GPRC5C: variants seen among roughly 807,000 people sequenced by gnomAD.
GPRC5C encodes G protein-coupled receptor class C group 5 member C, also known as G protein-coupled receptor family C group 5 member C.
In GPRC5C, 22 loss-of-function variants were observed where a neutral mutation model predicts 31.4. The ratio of observed to expected loss-of-function variants is 0.70; its 90% confidence interval spans 0.50 to 1.00. GPRC5C has a LOEUF of 1.00. Ranked by LOEUF, GPRC5C falls within the 50% of genes least tolerant of loss-of-function variation. The probability of loss-of-function intolerance (pLI) is 0.00; values close to 1 mark genes in which losing one functional copy is unlikely to be tolerated. For missense variants in GPRC5C, 557 were observed against 597.2 expected (o/e 0.93, Z 0.70); for synonymous variants, 249 against 257.5 (o/e 0.97, Z 0.32).
intron 1 of GPRC5C, chr17:74,432,557 G>A: frequency 1.0e-6 from 1 of 987,088 alleles, no homozygotes; most frequent in South Asian, 4.7e-5. Flanking sequence ...CCGCCGCCCG[G>A]AAGAGTCGGG....
downstream of GPRC5C, chr17:74,449,290 C>A: frequency 1.7e-6 from 2 of 1,167,704 alleles, no homozygotes; most frequent in Non-Finnish European, 2.3e-6. Context: ...TTGGGCCCCA[C>A]GCAGTAGAGT....
chr17:74,440,620 A>G lies in GPRC5C; in HGVS notation c.844A>G (p.Ile282Val). The G allele has an allele frequency of 1.9e-6, 3 of 1,608,892 alleles. No homozygotes were observed. The highest frequency in any genetic ancestry group is 2.6e-6 in the Non-Finnish European group (3 of 1,175,668). ...SPTWDDPTLA[I>V]ALAANAWAFV... The stretch of plus-strand genomic sequence containing the variant: ...CACCTGGGATGACCCCACGCTGGCC[A>G]TCGCCCTCGCCGCCAATGCCTGGGC... The change falls in exon 2 of 4, where the codon ATC (isoleucine) becomes GTC (valine). Residue 282 changes from isoleucine to valine, a missense_variant. Transcript: ENST00000392627. This position sits in a 1 kb window ranked among gnomAD's most constrained non-coding sequence, Gnocchi z 4.4.
intron 1 of GPRC5C, among the ~76,000 whole-genome samples, chr17:74,439,353 C>G (rs565749657): frequency 6.6e-6 from 1 of 152,178 alleles, no homozygotes; most frequent in Non-Finnish European, 1.5e-5. Context: ...GCCTGAAAGT[C>G]CCAGGGCAGA....
chr17:74,447,188 C>T lies in GPRC5C; in HGVS notation c.*160C>T. Reference sequence around the variant, plus strand: ...TCTCTGCCAGTGTTTGGGTGGGTGTCATGGGTGTCCCCACCCACTCCTCAG... The same window carrying T: ...TCTCTGCCAGTGTTTGGGTGGGTGTTATGGGTGTCCCCACCCACTCCTCAG... On this transcript the variant is annotated 3_prime_UTR_variant, in exon 4 of 4. Transcript: ENST00000392627. 7.1e-7 allele frequency: 1 copy of T among 1,410,562 alleles called. No individual in the cohort carries two copies. The highest frequency in any genetic ancestry group is 9.2e-7 in the Non-Finnish European group (1 of 1,082,394). The allele number at this position is 1,410,562 out of a possible 1,614,324, so 87.4% of individuals were successfully genotyped here.
At chr17:74,450,386 C>T (rs909169999), downstream of GPRC5C, 3 of 152,310 alleles carry the variant, frequency 2.0e-5, no homozygotes, top group Non-Finnish European at 2.9e-5. Context: ...ACTGCATTCT[C>T]AGGGACCAGT....
chr17:74,444,839 C>A (rs563018325), intron 3 of GPRC5C, among the ~76,000 whole-genome samples: 1 of 152,146 alleles, frequency 6.6e-6, no homozygotes, highest in Non-Finnish European at 1.5e-5. Flanking sequence ...CTCCCCAGCG[C>A]GTTTGGAGTC....
downstream of GPRC5C, among the ~76,000 whole-genome samples, chr17:74,448,525 G>A (rs1381509857): frequency 6.6e-6 from 1 of 152,066 alleles, no homozygotes; most frequent in East Asian, 1.9e-4. Context: ...TTATAGACAT[G>A]TGCCACCACA....
At chr17:74,437,629 A>ATTTTTT (rs57390968) in intron 1 of GPRC5C, among the ~76,000 whole-genome samples, 17 of 129,866 alleles carry the variant, frequency 1.3e-4, no homozygotes, top group African/African-American at 6.0e-4. Flanking sequence ...TATGGACAGA[A>ATTTTTT]TTTTTTTTTT....
At chr17:74,443,092 C>T (rs1232075244) in intron 2 of GPRC5C, 1 of 155,774 alleles carries the variant, frequency 6.4e-6, no homozygotes, top group Admixed American at 6.5e-5. Flanking sequence ...GCCAGACGTC[C>T]GCTGTGCCGT....
rs1182727193 is a variant in GPRC5C at position 74,432,572 on chromosome 17, G to C, written c.-33+431G>C. 3.1e-6 allele frequency: 3 copies of C among 967,850 alleles called. No individual in the cohort carries two copies. In the African/African-American group the frequency reaches 5.3e-5, roughly 17 times the overall value. The allele number at this position is 967,850 out of a possible 1,614,324, so 60.0% of individuals were successfully genotyped here. On this transcript the variant is annotated intron_variant, in intron 1 of 3. Transcript: ENST00000392627. ...CCGCCGCCCGGAAGAGTCGGGTCGGGACGGCGGGGAGTGGGCGAGGGCAGA... is the reference window on the plus strand; with the variant it reads ...CCGCCGCCCGGAAGAGTCGGGTCGGCACGGCGGGGAGTGGGCGAGGGCAGA...
intron 3 of GPRC5C, 167 bp from the exon 4 acceptor site, chr17:74,446,682 G>C (rs1026827125): frequency 5.3e-5 from 32 of 599,596 alleles, no homozygotes; most frequent in African/African-American, 4.9e-4. Flanking sequence ...GCTCAGGTCT[G>C]GCTGTCCCAG....
chr17:74,434,611 C>T (rs1437168063), intron 1 of GPRC5C, among the ~76,000 whole-genome samples: 1 of 152,152 alleles, frequency 6.6e-6, no homozygotes, highest in Non-Finnish European at 1.5e-5. Flanking sequence ...CTTGTCAGTC[C>T]CTTAGCCACC....
chr17:74,435,437 T>C (rs1172769758), intron 1 of GPRC5C, among the ~76,000 whole-genome samples: 1 of 152,204 alleles, frequency 6.6e-6, no homozygotes, highest in Non-Finnish European at 1.5e-5. Flanking sequence ...AAATAAGATA[T>C]TTCAGGATGG....
chr17:74,447,050 C>T lies in GPRC5C; in HGVS notation c.*22C>T, dbSNP rs184613518. On this transcript the variant is annotated 3_prime_UTR_variant, in exon 4 of 4. Transcript: ENST00000392627. ...CTGAGTCAGCGGTGGCGAGGAGAGG[C>T]GGGCGGATTTGGGGAGGGCCCTGAG... is the stretch of plus-strand genomic sequence containing the variant. The T allele has an allele frequency of 1.6e-3, 2,631 of 1,600,020 alleles. 45 individuals carry two copies. In the African/African-American group the frequency reaches 0.031, roughly 19 times the overall value.
chr17:74,442,614 G>T (rs2055558142), intron 2 of GPRC5C, among the ~76,000 whole-genome samples: 1 of 152,218 alleles, frequency 6.6e-6, no homozygotes, highest in South Asian at 2.1e-4. Flanking sequence ...ACAAGCACCG[G>T]CTCTGGGGTC....
Position 74,440,258 on chromosome 17 carries a change from T to A in GPRC5C, c.482T>A (p.Leu161Gln). 5 of 1,614,236 alleles carry A rather than the reference T, an allele frequency of 3.1e-6. No homozygotes were observed. Among genetic ancestry groups the A allele is most frequent in the Non-Finnish European group, 4.2e-6 (5 of 1,180,042 alleles). The change falls in exon 2 of 4, where the codon CTG (leucine) becomes CAG (glutamine). Residue 161 changes from leucine to glutamine, a missense_variant. Transcript: ENST00000392627. This position sits in a 1 kb window ranked among gnomAD's most constrained non-coding sequence, Gnocchi z 4.4. Reference protein sequence around the residue: ...PRGWVIFTVALLLTLVEVIIN... With the variant: ...PRGWVIFTVAQLLTLVEVIIN... ...GGCTGGGTGATCTTCACTGTGGCTC[T>A]GCTGCTGACCCTGGTAGAGGTCATC... is the stretch of plus-strand genomic sequence containing the variant.
rs2055512714 is a variant in GPRC5C at position 74,440,384 on chromosome 17, C to T, written c.608C>T (p.Ala203Val). 7.4e-6 allele frequency: 12 copies of T among 1,613,938 alleles called. No individual in the cohort carries two copies. Among genetic ancestry groups the T allele is most frequent in the Admixed American group, 1.7e-5 (1 of 60,004 alleles). ...SAGWAVASPCAIANMDFVMAL... is the reference protein window; with the variant it reads ...SAGWAVASPCVIANMDFVMAL... Reference sequence around the variant, plus strand: ...GGCTGGGCCGTGGCCTCCCCCTGTGCCATCGCCAACATGGACTTTGTCATG... The same window carrying T: ...GGCTGGGCCGTGGCCTCCCCCTGTGTCATCGCCAACATGGACTTTGTCATG... Residue 203 changes from alanine to valine, a missense_variant, in exon 2 of 4, where the codon GCC becomes GTC. Coordinates refer to ENST00000392627, the MANE Select transcript of GPRC5C (RefSeq NM_022036.4). The surrounding 1 kb of genome is among the most constrained non-coding windows in gnomAD (Gnocchi z 4.4).
At chr17:74,438,310 G>A (rs1292139692) in intron 1 of GPRC5C, among the ~76,000 whole-genome samples, 1 of 146,254 alleles carries the variant, frequency 6.8e-6, no homozygotes, top group African/African-American at 2.6e-5. Flanking sequence ...GATCAGGTTG[G>A]AGTGCAGTGG....
intron 3 of GPRC5C, among the ~76,000 whole-genome samples, chr17:74,444,727 C>T (rs958752278): frequency 3.9e-5 from 6 of 152,274 alleles, no homozygotes; most frequent in African/African-American, 1.2e-4. Context: ...GGAGAGCTTC[C>T]GGAGCACCAG....
Sources: allele counts gnomAD v4.1 joint callset (sites outside exome capture counted in the v4.1 genomes callset), GRCh38; gene constraint gnomAD v4.1.1; non-coding constraint Gnocchi (gnomAD v3.1); transcripts MANE v1.5; gene names NCBI Gene and HGNC (gene_info 2026-07-23, HGNC 2026-07-21).